Variants in DNAH14 observed in about 807,000 individuals in gnomAD.
DNAH14 encodes the protein dynein axonemal heavy chain 14, also known as axonemal beta dynein heavy chain 14.
DNAH14 carries 478 observed loss-of-function variants against 520.9 expected under a neutral mutation model. That is an observed-to-expected ratio of 0.92 (90% CI 0.85 to 0.99). DNAH14 has a LOEUF of 0.99. DNAH14 is among the 50% of genes least tolerant of loss of function. DNAH14 has a pLI of 0.00. For synonymous variants in DNAH14, 1,581 were observed against 1,757.2 expected, an observed-to-expected ratio of 0.90 and a Z score of 2.51; for missense variants, 4,831 against 5,234.5, an observed-to-expected ratio of 0.92 and a Z score of 2.38.
chr1:225,050,898 A>G (rs1558792352), intron 16 of DNAH14, among the ~76,000 whole-genome samples: 1 of 152,196 alleles, frequency 6.6e-6, no homozygotes, highest in African/African-American at 2.4e-5. Flanking sequence ...TTCATCAGGC[A>G]TTAGTTAGAT....
chr1:225,171,678 T>C (rs114140312), intron 36 of DNAH14, among the ~76,000 whole-genome samples: 4,017 of 152,302 alleles, frequency 0.026, 159 homozygotes, highest in African/African-American at 0.08. Flanking sequence ...CACAGCCGAC[T>C]TCTGTCAGAG....
chr1:225,196,024 T>A (rs988460093), intron 38 of DNAH14, among the ~76,000 whole-genome samples: 4 of 152,060 alleles, frequency 2.6e-5, no homozygotes, highest in East Asian at 3.8e-4. Flanking sequence ...TATTTATTTA[T>A]TTTTATTTCC....
intron 23 of DNAH14, among the ~76,000 whole-genome samples, chr1:225,104,363 C>A (rs888225394): frequency 5.9e-5 from 9 of 152,130 alleles, no homozygotes; most frequent in African/African-American, 2.2e-4. Context: ...TGTTGTGTCT[C>A]TGTCAGGCTT....
In DNAH14 at chr1:225,334,908, G is replaced by A. The variant is rs72750819; in HGVS notation, c.10080+1402G>A. On this transcript the variant is annotated intron_variant, in intron 66 of 85. Coordinates refer to ENST00000682510, the MANE Select transcript of DNAH14 (RefSeq NM_001367479.1). ...TATGTGTGTGTGTGTGTGTGTGTGTGTATATGTATATGTATAGCATATATC... is the reference window on the plus strand; with the variant it reads ...TATGTGTGTGTGTGTGTGTGTGTGTATATATGTATATGTATAGCATATATC... 4.9e-3 allele frequency among the ~76,000 whole-genome samples: 724 copies of A among 146,420 alleles called. 2 individuals carry two copies. Among genetic ancestry groups the A allele is most frequent in the African/African-American group, 8.0e-3 (314 of 39,076 alleles).
In DNAH14 at chr1:224,981,644, G is replaced by A. The variant is rs567797509; in HGVS notation, c.830+7491G>A. On this transcript the variant is annotated intron_variant, in intron 8 of 85. Coordinates refer to ENST00000682510, the MANE Select transcript of DNAH14 (RefSeq NM_001367479.1). ...TGTCAGTTGTAATATCTCCTGTTTCGTTTCTCAGTGAGGTTATTTGGATTT... is the reference window on the plus strand; with the variant it reads ...TGTCAGTTGTAATATCTCCTGTTTCATTTCTCAGTGAGGTTATTTGGATTT... Among the ~76,000 whole-genome samples, 193 of 152,070 alleles carry A rather than the reference G, an allele frequency of 1.3e-3. 2 individuals are homozygous for A. The highest frequency in any genetic ancestry group is 6.8e-3 in the Middle Eastern group (2 of 294).
At chr1:225,362,042 T>C (rs918703808) in intron 75 of DNAH14, among the ~76,000 whole-genome samples, 6 of 152,232 alleles carry the variant, frequency 3.9e-5, no homozygotes, top group African/African-American at 1.4e-4. Context: ...TTATAGGGCA[T>C]CTGCTATTTG....
At chr1:225,058,023 A>G (rs2069396133) in intron 17 of DNAH14, among the ~76,000 whole-genome samples, 1 of 152,134 alleles carries the variant, frequency 6.6e-6, no homozygotes, top group Non-Finnish European at 1.5e-5. Flanking sequence ...AGGCTTTGGT[A>G]TCAGGATGAT....
chr1:225,077,503 T>G (rs114891604), intron 17 of DNAH14, among the ~76,000 whole-genome samples: 111,890 of 151,652 alleles, frequency 0.74, 44,141 homozygotes, highest in Non-Finnish European at 0.88. Flanking sequence ...CAAAATTTTT[T>G]GGGCATTTAA....
chr1:225,381,581 T>C lies in DNAH14; in HGVS notation c.13077+2T>C. 2 of 1,497,708 alleles carry C rather than the reference T, an allele frequency of 1.3e-6. No homozygotes were observed. Among genetic ancestry groups the C allele is most frequent in the Non-Finnish European group, 1.8e-6 (2 of 1,122,146 alleles). 92.8% of individuals were successfully genotyped at this position (1,497,708 alleles called of 1,614,324 possible). A position where few individuals can be genotyped will look rare whatever the true frequency, so the allele number is the denominator to read the frequency against. ...ATGAGAGTGCCTACATTGTGGCAGG[T>C]AAGCAATTATTATTATTTCCTATTT... On this transcript the variant is annotated splice_donor_variant, in intron 81 of 85. Coordinates refer to ENST00000682510, the MANE Select transcript of DNAH14 (RefSeq NM_001367479.1). LOFTEE classifies it high-confidence loss of function.
chr1:225,149,800 G>A (rs1312744920), intron 31 of DNAH14, among the ~76,000 whole-genome samples: 1 of 151,844 alleles, frequency 6.6e-6, no homozygotes, highest in South Asian at 2.1e-4. Flanking sequence ...AAGCTTTTGG[G>A]CCATGATGAT....
chr1:225,195,516 G>A (rs2086014606), intron 38 of DNAH14, among the ~76,000 whole-genome samples: 1 of 151,784 alleles, frequency 6.6e-6, no homozygotes. Context: ...TGGAGGATGG[G>A]AGGATGGAGA....
At chr1:225,281,350 C>A (rs1280995194) in intron 54 of DNAH14, among the ~76,000 whole-genome samples, 1 of 152,138 alleles carries the variant, frequency 6.6e-6, no homozygotes, top group African/African-American at 2.4e-5. Flanking sequence ...ACATCTCTCT[C>A]TCTCTCTCTG....
At chr1:225,335,031 C>T (rs2094889995) in intron 66 of DNAH14, among the ~76,000 whole-genome samples, 1 of 148,076 alleles carries the variant, frequency 6.8e-6, no homozygotes, top group Non-Finnish European at 1.5e-5. Flanking sequence ...TATATACATA[C>T]ATATATACAC....
At position 225,147,657 on chromosome 1, in the gene DNAH14, T is replaced by C. The variant is rs143103697; in HGVS notation, c.4940+408T>C. 4.2e-3 allele frequency among the ~76,000 whole-genome samples: 645 copies of C among 152,320 alleles called. 2 individuals carry two copies. Among genetic ancestry groups the C allele is most frequent in the Middle Eastern group, 0.024 (7 of 294 alleles). On this transcript the variant is annotated intron_variant, in intron 31 of 85. Transcript: ENST00000682510. ...ACATTTTTTAAACCTTTCTTTTAAG[T>C]TCAGGGGCACATGTGCAGATTTGTT...
intron 2 of DNAH14, chr1:224,954,574 T>G (rs2060389242): frequency 6.4e-6 from 1 of 155,072 alleles, no homozygotes; most frequent in Admixed American, 6.5e-5. Context: ...TCTGCTTAAT[T>G]GGGTAACAAT....
At chr1:225,323,037 G>C (rs182652928) in intron 62 of DNAH14, among the ~76,000 whole-genome samples, 2 of 152,284 alleles carry the variant, frequency 1.3e-5, no homozygotes, top group East Asian at 3.9e-4. Flanking sequence ...GCTCCCAAAA[G>C]TAGATGAGAA....
At chr1:225,037,237 A>G (rs2067052601) in intron 11 of DNAH14, among the ~76,000 whole-genome samples, 1 of 152,114 alleles carries the variant, frequency 6.6e-6, no homozygotes, top group Non-Finnish European at 1.5e-5. Flanking sequence ...TTAAATAAGG[A>G]CTTACTCCTG....
At chr1:225,082,820 G>T in intron 20 of DNAH14, 81 bp downstream of exon 20, 1 of 1,171,436 alleles carries the variant, frequency 8.5e-7, no homozygotes, top group East Asian at 2.6e-5. Flanking sequence ...ATATACAATG[G>T]ATAGGAATTA....
chr1:225,349,413 C>T lies in DNAH14; in HGVS notation c.11297-2234C>T, dbSNP rs147579029. ...GACAGGAAGGGAGAAAGTTACAAGA[C>T]ATACAGAAAACAACAAATGGCAATA... On this transcript the variant is annotated intron_variant, in intron 71 of 85. Transcript: ENST00000682510. Among the ~76,000 whole-genome samples, 32 of 152,152 alleles carry T rather than the reference C, an allele frequency of 2.1e-4. No individual in the cohort carries two copies. In the East Asian group the frequency reaches 4.6e-3, roughly 22 times the overall value.
Sources: gnomAD v4.1 joint callset for allele counts (sites outside exome capture counted in the v4.1 genomes callset) on GRCh38, gnomAD v4.1.1 for gene constraint, MANE v1.5 for transcripts, NCBI Gene and HGNC (gene_info 2026-07-23, HGNC 2026-07-21) for gene names.